The following GABRB2 variants were observed in gnomAD, a reference collection of about 807,000 sequenced individuals.
The protein encoded by GABRB2 is gamma-aminobutyric acid receptor subunit beta-2.
Under a neutral mutation model 54.7 loss-of-function variants are expected in GABRB2, and 16 were observed. The observed-to-expected ratio is 0.29, with a 90% CI of 0.20 to 0.44. The LOEUF is 0.44. Among genes scored for constraint, GABRB2 ranks in the 20% least tolerant of loss-of-function variants. The pLI, the probability that GABRB2 is intolerant of heterozygous loss-of-function variation, is 1.00. For synonymous variants in GABRB2, 244 were observed against 233.8 expected (o/e 1.04, Z -0.40); for missense variants, 355 against 644.0 (o/e 0.55, Z 4.86).
At chr5:161,546,283 C>T (rs975857995) in intron 2 of GABRB2, 39 bp downstream of exon 2, 5 of 1,530,510 alleles carry the variant, frequency 3.3e-6, no homozygotes, top group Non-Finnish European at 4.5e-6. Flanking sequence ...AAGACAGCTT[C>T]GGCTGTGGCT....
intron 3 of GABRB2, among the ~76,000 whole-genome samples, chr5:161,463,547 A>ATT (rs201395694): frequency 9.1e-4 from 29 of 31,888 alleles, no homozygotes; most frequent in African/African-American, 2.0e-3. Flanking sequence ...GATTCCAAAT[A>ATT]TTTTTATTTA....
At chr5:161,466,900 G>A (rs897894633) in intron 3 of GABRB2, among the ~76,000 whole-genome samples, 1 of 151,888 alleles carries the variant, frequency 6.6e-6, no homozygotes, top group Admixed American at 6.6e-5. Context: ...ATGTATATGG[G>A]GAAATAGTCA....
At position 161,339,586 on chromosome 5, in the gene GABRB2, T is replaced by G. The variant is rs1284060792; in HGVS notation, c.542-2817A>C. 4.6e-5 allele frequency among the ~76,000 whole-genome samples: 7 copies of G among 152,242 alleles called. No individual in the cohort carries two copies. In the East Asian group the frequency reaches 1.4e-3, roughly 29 times the overall value. On this transcript the variant is annotated intron_variant, in intron 5 of 9. Coordinates refer to ENST00000393959, the MANE Select transcript of GABRB2 (RefSeq NM_001371727.1). ...AAATGAAAAAGATAATGATAGCAAT[T>G]AAAATAAATGCTGTTATTTATTGAG...
intron 4 of GABRB2, among the ~76,000 whole-genome samples, chr5:161,455,707 AT>A (rs1757935317): frequency 6.6e-6 from 1 of 151,674 alleles, no homozygotes; most frequent in Non-Finnish European, 1.5e-5. Flanking sequence ...TAATTTTCAT[AT>A]GTTTTGCAGA....
At chr5:161,443,929 A>G (rs1353218985) in intron 4 of GABRB2, among the ~76,000 whole-genome samples, 1 of 152,186 alleles carries the variant, frequency 6.6e-6, no homozygotes, top group African/African-American at 2.4e-5. Flanking sequence ...ACACTAAATT[A>G]GCTAAGAAGA....
At chr5:161,343,371 T>TA (rs1001933247) in intron 5 of GABRB2, among the ~76,000 whole-genome samples, 100 of 151,882 alleles carry the variant, frequency 6.6e-4, no homozygotes, top group African/African-American at 2.3e-3. Flanking sequence ...GATGACCTAT[T>TA]TTTTTTTGTG....
intron 4 of GABRB2, among the ~76,000 whole-genome samples, chr5:161,426,543 G>T (rs554021309): frequency 6.3e-4 from 96 of 152,132 alleles, no homozygotes; most frequent in African/African-American, 2.2e-3. Context: ...CATCTGTAAT[G>T]CAGGGTTGTT....
At chr5:161,298,133 T>C (rs1031391927) in intron 9 of GABRB2, among the ~76,000 whole-genome samples, 2 of 152,190 alleles carry the variant, frequency 1.3e-5, no homozygotes, top group African/African-American at 4.8e-5. Context: ...GGGTTGTTTT[T>C]CTCTTGTTAA....
At chr5:161,308,564 A>C (rs936542864) in intron 9 of GABRB2, among the ~76,000 whole-genome samples, 2 of 152,200 alleles carry the variant, frequency 1.3e-5, no homozygotes, top group African/African-American at 4.8e-5. Context: ...AGGCAATCAT[A>C]AGCAAAAAGG....
At chr5:161,418,052 T>C (rs115106980) in intron 4 of GABRB2, among the ~76,000 whole-genome samples, 1,745 of 152,300 alleles carry the variant, frequency 0.011, 34 homozygotes, top group African/African-American at 0.039. Context: ...GACTCTTTCA[T>C]TTTCTGGAAT....
intron 5 of GABRB2, among the ~76,000 whole-genome samples, chr5:161,345,241 T>C (rs1754286373): frequency 6.6e-6 from 1 of 152,034 alleles, no homozygotes; most frequent in Non-Finnish European, 1.5e-5. Context: ...TTGTGCACTT[T>C]GTATCTTATA....
At chr5:161,440,639 C>T (rs566720195) in intron 4 of GABRB2, among the ~76,000 whole-genome samples, 1 of 152,192 alleles carries the variant, frequency 6.6e-6, no homozygotes, top group African/African-American at 2.4e-5. Context: ...ACAAAAGACC[C>T]AGAATAGCCA....
chr5:161,300,155 A>G (rs1280008924), intron 9 of GABRB2, among the ~76,000 whole-genome samples: 1 of 152,178 alleles, frequency 6.6e-6, no homozygotes, highest in East Asian at 1.9e-4. Context: ...AGGACCTTTT[A>G]CATGTGTTTT....
At chr5:161,358,426 A>T (rs965757334) in intron 5 of GABRB2, among the ~76,000 whole-genome samples, 2 of 152,136 alleles carry the variant, frequency 1.3e-5, no homozygotes, top group African/African-American at 2.4e-5. Context: ...TAAAAAAAAA[A>T]GTGGGGGGAA....
At chr5:161,294,505 C>A in intron 9 of GABRB2, 77 bp from the exon 10 acceptor site, 15 of 1,274,872 alleles carry the variant, frequency 1.2e-5, no homozygotes, top group Non-Finnish European at 1.5e-5. Flanking sequence ...GCACTATGAT[C>A]GGCACTTAAG....
intron 4 of GABRB2, among the ~76,000 whole-genome samples, chr5:161,439,150 T>A (rs374176074): frequency 2.6e-5 from 4 of 152,052 alleles, no homozygotes; most frequent in African/African-American, 7.2e-5. Flanking sequence ...CCTAAAAGCA[T>A]CAAGAGAAAA....
intron 5 of GABRB2, among the ~76,000 whole-genome samples, chr5:161,356,254 C>T (rs898442945): frequency 1.3e-4 from 20 of 152,236 alleles, no homozygotes; most frequent in Middle Eastern, 3.4e-3. Context: ...AAGAAACCAC[C>T]AGAATAATTC....
chr5:161,389,892 C>A (rs1358899001), intron 5 of GABRB2, among the ~76,000 whole-genome samples: 4 of 151,678 alleles, frequency 2.6e-5, no homozygotes, highest in African/African-American at 9.7e-5. Context: ...ATGAGCTGTG[C>A]AACTGGGAAC....
chr5:161,488,905 CATGGTT>C (rs1348517810), intron 3 of GABRB2, among the ~76,000 whole-genome samples: 1 of 151,700 alleles, frequency 6.6e-6, no homozygotes, highest in Non-Finnish European at 1.5e-5. Context: ...AAAATGTGTT[CATGGTT>C]ATGTTGCAAA....
Sources: allele counts gnomAD v4.1 joint callset (sites outside exome capture counted in the v4.1 genomes callset), GRCh38; gene constraint gnomAD v4.1.1; transcripts MANE v1.5; gene names NCBI Gene and HGNC (gene_info 2026-07-23, HGNC 2026-07-21).